The following MROH2A variants were observed in gnomAD, a reference collection of about 807,000 sequenced individuals.
MROH2A encodes maestro heat-like repeat-containing protein family member 2A.
A neutral mutation model predicts 200.4 loss-of-function variants in MROH2A; 174 were observed. That is an observed-to-expected ratio of 0.87 (90% CI 0.77 to 0.98). MROH2A has a LOEUF of 0.98. Ranked by LOEUF, MROH2A falls within the 50% of genes least tolerant of loss-of-function variation. The pLI is 0.00. For missense variants in MROH2A, 2,045 were observed against 2,139.6 expected (o/e 0.96, Z 0.87); for synonymous variants, 829 against 840.4 (o/e 0.99, Z 0.23).
intron 35 of MROH2A, among the ~76,000 whole-genome samples, chr2:233,825,777 CTT>C (rs1360801733): frequency 1.3e-5 from 2 of 151,652 alleles, no homozygotes; most frequent in African/African-American, 4.8e-5. Flanking sequence ...CTGAAGTTTT[CTT>C]TTTTTTGTTG....
Position 233,796,215 on chromosome 2 carries a change from A to T in MROH2A, c.1154A>T (p.Lys385Met). The T allele has an allele frequency of 1.9e-6, 3 of 1,550,386 alleles. No individual in the cohort carries two copies. Among genetic ancestry groups the T allele is most frequent in the Non-Finnish European group, 2.6e-6 (3 of 1,146,810 alleles). Residue 385 changes from lysine (K) to methionine (M), a missense_variant, in exon 11 of 42, where the codon AAG (lysine) becomes ATG (methionine). Transcript: ENST00000389758. ...CFVALARSYP[K>M]ELMKFFFSQM... is the part of the protein sequence containing the mutation. ...CACCCTGCAGCTCGCTCCTACCCCA[A>T]GGAGCTGATGAAGTTCTTCTTCAGC...
chr2:233,796,114 C>G, intron 10 of MROH2A, 69 bp downstream of exon 10: 1 of 1,516,638 alleles, frequency 6.6e-7, no homozygotes. Flanking sequence ...GAGTCCCGGC[C>G]CCTCTGAGCG....
chr2:233,790,057 T>C (rs1357768592), intron 5 of MROH2A, 43 bp downstream of exon 5: 2 of 1,494,146 alleles, frequency 1.3e-6, no homozygotes, highest in Non-Finnish European at 1.8e-6. Context: ...TGTGCCCTTC[T>C]GGTCTCTGCC....
rs773736964 is a variant in MROH2A at position 233,819,934 on chromosome 2, C to T, written c.3390C>T (p.His1130=). Residue 1130 remains histidine (H), a synonymous_variant, in exon 31 of 42, where the codon CAC becomes CAT. Transcript: ENST00000389758. The stretch of plus-strand genomic sequence containing the variant: ...AGATCCTGAGTGCCATCCTGGTGCA[C>T]CTGCCGGTGGTGGACCACCCAGAGG... The part of the protein sequence containing the change: ...VAEILSAILV[H]LPVVDHPEVR... 46 of 1,531,172 alleles carry T rather than the reference C, an allele frequency of 3.0e-5. No homozygotes were observed. The South Asian group carries it at 4.2e-4, about 14-fold the overall frequency. The allele number at this position is 1,531,172 out of a possible 1,614,324, so 94.8% of individuals were successfully genotyped here.
chr2:233,805,104 T>A lies in MROH2A; in HGVS notation c.2045T>A (p.Leu682Gln). The change falls in exon 19 of 42, where the codon CTG becomes CAG. Residue 682 changes from leucine to glutamine, a missense_variant. Leu to Gln is a moderately radical substitution (Grantham distance 113, BLOSUM62 -2). Transcript: ENST00000389758. ...NQIASFDSPS[L>Q]EKGFLYRALG... ...ATTGCGAGCTTTGACAGCCCCTCTC[T>A]GGAGAAGGTTTGTCTTCATAGGGAC... 6.5e-7 allele frequency: 1 copy of A among 1,548,436 alleles called. No individual in the cohort carries two copies. Among genetic ancestry groups the A allele is most frequent in the Non-Finnish European group, 8.7e-7 (1 of 1,145,440 alleles).
In MROH2A at chr2:233,833,172, G is replaced by C; in HGVS notation, c.4938G>C (p.Gly1646=). The C allele has an allele frequency of 6.5e-7, 1 of 1,549,928 alleles. No homozygotes were observed. Among genetic ancestry groups the C allele is most frequent in the Non-Finnish European group, 8.7e-7 (1 of 1,146,830 alleles). The change falls in exon 42 of 42, where the codon GGG becomes GGC. Residue 1646 remains glycine, a synonymous_variant. Transcript: ENST00000389758. ...AACTACAGCTGGACCCGGATCCCGG[G>C]GTCAGGAGGGCAGCCCTGGAGACGC... ...LQELQLDPDP[G]VRRAALETLT...
intron 35 of MROH2A, among the ~76,000 whole-genome samples, chr2:233,825,866 G>A (rs186880323): frequency 3.1e-4 from 47 of 150,664 alleles, no homozygotes; most frequent in African/African-American, 1.1e-3. Context: ...CCTTTTCAAT[G>A]GTTTGGAATA....
At chr2:233,797,723 C>T (rs1482144158) in intron 11 of MROH2A, among the ~76,000 whole-genome samples, 3 of 152,078 alleles carry the variant, frequency 2.0e-5, no homozygotes, top group Non-Finnish European at 4.4e-5. Flanking sequence ...CCCTAATGCT[C>T]TCCCTCCCCT....
intron 39 of MROH2A, 136 bp downstream of exon 39, chr2:233,831,676 T>C: frequency 1.0e-6 from 1 of 959,380 alleles, no homozygotes; most frequent in Non-Finnish European, 1.5e-6. Context: ...AGACCGGCAC[T>C]GTGCAGCAGA....
At chr2:233,795,043 A>G (rs1181435822) in intron 8 of MROH2A, among the ~76,000 whole-genome samples, 1 of 152,272 alleles carries the variant, frequency 6.6e-6, no homozygotes, top group Middle Eastern at 3.4e-3. Flanking sequence ...TTACAAGGAC[A>G]CCTACCCAAA....
At chr2:233,779,131 T>C (rs1049122837) in intron 1 of MROH2A, among the ~76,000 whole-genome samples, 2 of 152,228 alleles carry the variant, frequency 1.3e-5, no homozygotes, top group Non-Finnish European at 2.9e-5. Context: ...AGTGTGATCA[T>C]GGGAATGACA....
intron 19 of MROH2A, among the ~76,000 whole-genome samples, chr2:233,806,279 A>G (rs1409280943): frequency 6.6e-6 from 1 of 152,148 alleles, no homozygotes; most frequent in Non-Finnish European, 1.5e-5. Context: ...ACCAAGAAAG[A>G]CGAGGGAAAA....
intron 33 of MROH2A, 26 bp from the exon 34 acceptor site, chr2:233,822,855 C>T (rs1332801160): frequency 1.3e-6 from 2 of 1,549,276 alleles, no homozygotes; most frequent in African/African-American, 1.4e-5. Context: ...CAGGGCAGCG[C>T]ATCACAAGCT....
intron 3 of MROH2A, among the ~76,000 whole-genome samples, chr2:233,781,311 A>G (rs1022865257): frequency 2.6e-5 from 4 of 152,196 alleles, no homozygotes; most frequent in Non-Finnish European, 5.9e-5. Flanking sequence ...AGAAACCTCC[A>G]TAGAGTTTTC....
intron 38 of MROH2A, 133 bp downstream of exon 38, chr2:233,829,908 G>A: frequency 2.4e-6 from 2 of 833,960 alleles, no homozygotes; most frequent in South Asian, 4.4e-5. Context: ...AGATCCCAGA[G>A]GCCACAGCCT....
At chr2:233,802,882 TG>T (rs1484584233) in intron 15 of MROH2A, among the ~76,000 whole-genome samples, 1 of 152,270 alleles carries the variant, frequency 6.6e-6, no homozygotes. Flanking sequence ...GCCTGCTCTC[TG>T]ACTTTGATCT....
chr2:233,818,097 T>C lies in MROH2A; in HGVS notation c.3057T>C (p.Asn1019=), dbSNP rs1441145545. 2 of 1,550,744 alleles carry C rather than the reference T, an allele frequency of 1.3e-6. No individual in the cohort carries two copies. Among genetic ancestry groups the C allele is most frequent in the African/African-American group, 1.4e-5 (1 of 73,034 alleles). The change falls in exon 28 of 42, where the codon AAT becomes AAC. Residue 1019 remains asparagine (N), a synonymous_variant. Coordinates refer to ENST00000389758, the MANE Select transcript of MROH2A (RefSeq NM_001394639.1). ...AAAGAACCCGCATGGCCTCAATGAA[T>C]GTCCTGTCCAGCCTGCTAGATCTTC... ...AHQRTRMASM[N]VLSSLLDLHA...
chr2:233,802,104 T>C, intron 14 of MROH2A, 64 bp from the exon 15 acceptor site: 1 of 1,478,002 alleles, frequency 6.8e-7, no homozygotes, highest in Middle Eastern at 1.9e-4. Flanking sequence ...AGCCTGACTG[T>C]TCTCCTTAGA....
Position 233,796,039 on chromosome 2 carries a change from G to A in MROH2A, c.1132G>A (p.Ala378Thr), listed in dbSNP as rs1029693114. The A allele has an allele frequency of 4.5e-6, 7 of 1,550,388 alleles. No homozygotes were observed. The highest frequency in any genetic ancestry group is 4.1e-5 in the African/African-American group (3 of 73,052). Residue 378 changes from alanine (A) to threonine (T), a missense_variant, in exon 10 of 42, where the codon GCC (alanine) becomes ACC (threonine). By Grantham distance (58) the Ala-to-Thr change is moderately conservative. Coordinates refer to ENST00000389758, the MANE Select transcript of MROH2A (RefSeq NM_001394639.1). ...GATGGAGATGGTGCACTGCTTCGTA[G>A]CCCTTGGTGAGGCTCTGCGGCAGGG... Reference protein sequence around the residue: ...NLMEMVHCFVALARSYPKELM... With the variant: ...NLMEMVHCFVTLARSYPKELM...
Sources: gnomAD v4.1 joint callset for allele counts (sites outside exome capture counted in the v4.1 genomes callset) on GRCh38, gnomAD v4.1.1 for gene constraint, MANE v1.5 for transcripts, NCBI Gene and HGNC (gene_info 2026-07-23, HGNC 2026-07-21) for gene names.